The following COTL1 variants were observed in gnomAD, a reference collection of about 807,000 sequenced individuals.
COTL1 encodes coactosin-like protein.
COTL1 carries 15 observed loss-of-function variants against 16.5 expected under a neutral mutation model. That is an observed-to-expected ratio of 0.91 (90% CI 0.61 to 1.40). The LOEUF (loss-of-function observed/expected upper bound fraction) is 1.40, where lower values mean the gene tolerates loss of function less well. COTL1 is among the 40% of genes most tolerant of loss of function. The probability of loss-of-function intolerance (pLI) is 0.00; values close to 1 mark genes in which losing one functional copy is unlikely to be tolerated. For synonymous variants in COTL1, 112 were observed against 85.3 expected, an observed-to-expected ratio of 1.31 and a Z score of -1.73; for missense variants, 220 against 201.5, an observed-to-expected ratio of 1.09 and a Z score of -0.56.
At chr16:84,594,243 T>C (rs1904942458) in intron 2 of COTL1, 1 of 152,286 alleles carries the variant, frequency 6.6e-6, no homozygotes, top group Admixed American at 6.5e-5. Context: ...TTGACCATGA[T>C]GACTGAAAGT....
At chr16:84,580,290 G>A (rs752439455) in intron 3 of COTL1, among the ~76,000 whole-genome samples, 26 of 152,084 alleles carry the variant, frequency 1.7e-4, no homozygotes, top group African/African-American at 2.2e-4. Flanking sequence ...TTGCTCTGTC[G>A]CCCACACTGG....
chr16:84,613,004 TTC>T (rs1159083298), intron 2 of COTL1, among the ~76,000 whole-genome samples: 322 of 137,042 alleles, frequency 2.3e-3, no homozygotes, highest in Non-Finnish European at 3.9e-3. Context: ...CTTTCTTTCT[TTC>T]TTTTTTTTTT....
chr16:84,574,316 A>G (rs941964919), intron 3 of COTL1, among the ~76,000 whole-genome samples: 2 of 152,186 alleles, frequency 1.3e-5, no homozygotes, highest in African/African-American at 4.8e-5. Context: ...CTAGACTGCC[A>G]AGCCCTCGAG....
chr16:84,583,900 T>C (rs74036326), intron 3 of COTL1, among the ~76,000 whole-genome samples: 3,731 of 152,256 alleles, frequency 0.025, 171 homozygotes, highest in African/African-American at 0.086. Context: ...CTGAGCTGCA[T>C]GCCTTCTGGA....
chr16:84,611,850 C>G (rs1567541256), intron 2 of COTL1, among the ~76,000 whole-genome samples: 1 of 152,182 alleles, frequency 6.6e-6, no homozygotes, highest in South Asian at 2.1e-4. Flanking sequence ...CCAGCCACTG[C>G]CTCGCCACAC....
At chr16:84,568,280 G>A (rs1904307394) in intron 3 of COTL1, 1 of 152,244 alleles carries the variant, frequency 6.6e-6, no homozygotes, top group Admixed American at 6.5e-5. Flanking sequence ...CTACAGGCGT[G>A]AGCCACCACG....
intron 2 of COTL1, among the ~76,000 whole-genome samples, chr16:84,598,850 A>G (rs1435835447): frequency 4.1e-5 from 6 of 146,060 alleles, no homozygotes; most frequent in African/African-American, 1.5e-4. Context: ...GGGGGGGTCC[A>G]AGCGGGGTCG....
rs1464679191 is a variant in COTL1 at position 84,566,707 on chromosome 16, C to T, written c.*138G>A. ...GAAGCGGGAAGGTGGGGGCTGTGGA[C>T]ACAGGGTGGCGGGCGCTGCCTCTCA... On this transcript the variant is annotated 3_prime_UTR_variant, in exon 4 of 4. Transcript: ENST00000262428. The T allele has an allele frequency of 1.6e-6, 1 of 615,154 alleles. No homozygotes were observed. The highest frequency in any genetic ancestry group is 2.9e-6 in the Non-Finnish European group (1 of 343,776). The allele number at this position is 615,154 out of a possible 1,614,324, so 38.1% of individuals were successfully genotyped here.
At chr16:84,575,470 G>A (rs1423594395) in intron 3 of COTL1, 1 of 152,146 alleles carries the variant, frequency 6.6e-6, no homozygotes, top group African/African-American at 2.4e-5. Context: ...CAATTCTCCT[G>A]CCTCAGCCTC....
intron 2 of COTL1, among the ~76,000 whole-genome samples, chr16:84,609,694 T>C (rs753898851): frequency 7.9e-5 from 12 of 152,202 alleles, no homozygotes; most frequent in Admixed American, 4.6e-4. Context: ...GTGGAGATAA[T>C]TGACTCAGGG....
At chr16:84,617,623 G>A (rs1469734315) in intron 1 of COTL1, 40 bp from the exon 2 acceptor site, 2 of 1,532,052 alleles carry the variant, frequency 1.3e-6, no homozygotes, top group East Asian at 2.5e-5. Flanking sequence ...ACACACATCA[G>A]CGCTGGTGGC....
chr16:84,587,333 A>G lies in COTL1; in HGVS notation c.318+2772T>C, dbSNP rs1904756821. Among the ~76,000 whole-genome samples, 7 of 152,332 alleles carry G rather than the reference A, an allele frequency of 4.6e-5. No homozygotes were observed. In the South Asian group the frequency reaches 1.4e-3, roughly 32 times the overall value. ...ACTGCTCAAAGCCAATCTGATGCCC[A>G]TACCTTTTAAAAATGATTATCTCGC... On this transcript the variant is annotated intron_variant, in intron 3 of 3. Coordinates refer to ENST00000262428, the MANE Select transcript of COTL1 (RefSeq NM_021149.5).
In COTL1 at chr16:84,614,466, G is replaced by T. The variant is rs151328293; in HGVS notation, c.160+3035C>A. 8.7e-4 allele frequency among the ~76,000 whole-genome samples: 132 copies of T among 152,158 alleles called. 2 individuals are homozygous for T. In the East Asian group the frequency reaches 0.021, roughly 24 times the overall value. On this transcript the variant is annotated intron_variant, in intron 2 of 3. Coordinates refer to ENST00000262428, the MANE Select transcript of COTL1 (RefSeq NM_021149.5). ...AAGAAATGAGGAGGGGAGGCTGGGT[G>T]GAGAGATCCCATTCTGGAAAGCCGT...
At chr16:84,595,830 T>G (rs1904990238) in intron 2 of COTL1, 1 of 152,194 alleles carries the variant, frequency 6.6e-6, no homozygotes, top group Non-Finnish European at 1.5e-5. Context: ...TATACATACA[T>G]TTGTGAGTAC....
intron 2 of COTL1, chr16:84,595,865 A>T (rs760561682): frequency 1.3e-5 from 2 of 151,620 alleles, no homozygotes; most frequent in African/African-American, 4.9e-5. Context: ...GTGTATATAT[A>T]TTCATGTATT....
intron 3 of COTL1, among the ~76,000 whole-genome samples, chr16:84,584,214 A>C (rs28575936): frequency 0.03 from 4,612 of 152,286 alleles, 243 homozygotes; most frequent in African/African-American, 0.11. Flanking sequence ...CATTCCCCGG[A>C]CTGGAGTCTG....
At chr16:84,617,665 A>G (rs1180756668) in intron 1 of COTL1, 82 bp from the exon 2 acceptor site, 8 of 1,447,980 alleles carry the variant, frequency 5.5e-6, no homozygotes, top group Non-Finnish European at 7.6e-6. Context: ...AGGACAATCT[A>G]ACAGACGCGC....
intron 2 of COTL1, among the ~76,000 whole-genome samples, chr16:84,597,129 C>G (rs1905021847): frequency 6.6e-6 from 1 of 152,202 alleles, no homozygotes; most frequent in African/African-American, 2.4e-5. Context: ...CTGCATCCAG[C>G]TCTGGGTTTC....
chr16:84,612,873 G>A (rs1223553965), intron 2 of COTL1, among the ~76,000 whole-genome samples: 1 of 152,152 alleles, frequency 6.6e-6, no homozygotes, highest in Non-Finnish European at 1.5e-5. Context: ...AGGCATGTCA[G>A]GATTCCCATT....
Sources: allele counts gnomAD v4.1 joint callset (sites outside exome capture counted in the v4.1 genomes callset), GRCh38; gene constraint gnomAD v4.1.1; transcripts MANE v1.5; gene names NCBI Gene and HGNC (gene_info 2026-07-23, HGNC 2026-07-21).